RBMS3: variants seen among roughly 807,000 people sequenced by gnomAD.
The protein encoded by RBMS3 is RNA binding motif single stranded interacting protein 3.
RBMS3 carries 27 observed loss-of-function variants against 66.8 expected under a neutral mutation model. The ratio of observed to expected loss-of-function variants is 0.40; its 90% confidence interval spans 0.30 to 0.56. The LOEUF (loss-of-function observed/expected upper bound fraction) is 0.56. Ranked by LOEUF, RBMS3 falls within the 20% of genes least tolerant of loss-of-function variation. RBMS3 has a pLI of 0.40. For synonymous variants in RBMS3, 188 were observed against 183.0 expected (o/e 1.03, Z -0.22); for missense variants, 513 against 549.5 (o/e 0.93, Z 0.66).
chr3:29,991,868 T>TAAGA (rs1427712150), intron 14 of RBMS3, among the ~76,000 whole-genome samples: 3 of 152,164 alleles, frequency 2.0e-5, no homozygotes, highest in Non-Finnish European at 4.4e-5. Flanking sequence ...AAGGGTATTG[T>TAAGA]AAGATATGAA....
Position 29,737,330 on chromosome 3 carries a change from G to A in RBMS3, c.400-2390G>A, listed in dbSNP as rs147252468. 1.4e-3 allele frequency among the ~76,000 whole-genome samples: 210 copies of A among 152,206 alleles called. 1 individual carries two copies. Among genetic ancestry groups the A allele is most frequent in the African/African-American group, 4.8e-3 (199 of 41,540 alleles). ...TAAGCCCCAGAGGTATGTTTATTTAGAAAAATTTTAAAATAAGTAACAACC... is the reference window on the plus strand; with the variant it reads ...TAAGCCCCAGAGGTATGTTTATTTAAAAAAATTTTAAAATAAGTAACAACC... On this transcript the variant is annotated intron_variant, in intron 4 of 14. Transcript: ENST00000383767.
chr3:29,916,517 C>T lies in RBMS3; in HGVS notation c.939+16762C>T, dbSNP rs139831676. ...ACTTATTGACTGTTCAGGGGAAGGA[C>T]ATATTTGTCCTAAAGCAGGCTGTTA... On this transcript the variant is annotated intron_variant, in intron 10 of 14. Transcript: ENST00000383767. 3.4e-3 allele frequency among the ~76,000 whole-genome samples: 520 copies of T among 151,914 alleles called. 1 individual carries two copies. Among genetic ancestry groups the T allele is most frequent in the African/African-American group, 0.012 (505 of 41,498 alleles).
intron 1 of RBMS3, among the ~76,000 whole-genome samples, chr3:29,358,212 T>C (rs1559513649): frequency 1.3e-5 from 2 of 152,184 alleles, no homozygotes; most frequent in Non-Finnish European, 2.9e-5. Flanking sequence ...CATCTTGAAT[T>C]AATTTTTGTA....
At chr3:29,771,319 T>A (rs1260730346) in intron 6 of RBMS3, among the ~76,000 whole-genome samples, 1 of 152,060 alleles carries the variant, frequency 6.6e-6, no homozygotes, top group African/African-American at 2.4e-5. Context: ...TGTTTATCTC[T>A]CCCATCTTCC....
intron 1 of RBMS3, among the ~76,000 whole-genome samples, chr3:29,304,702 T>G (rs2033897630): frequency 6.6e-6 from 1 of 151,974 alleles, no homozygotes; most frequent in Non-Finnish European, 1.5e-5. Flanking sequence ...TGTAGTTCTC[T>G]CCTAGTCCTT....
intron 3 of RBMS3, among the ~76,000 whole-genome samples, chr3:29,530,410 G>A (rs2045306602): frequency 6.6e-6 from 1 of 152,090 alleles, no homozygotes; most frequent in Admixed American, 6.5e-5. Context: ...AAAACTTGAT[G>A]TGGACTAAAA....
intron 12 of RBMS3, among the ~76,000 whole-genome samples, chr3:29,960,030 C>G (rs2197895): frequency 0.026 from 3,932 of 152,202 alleles, 124 homozygotes; most frequent in East Asian, 0.17. Context: ...TCCAACAGTC[C>G]TCCAAAGTCT....
chr3:29,730,523 T>C (rs2054085524), intron 4 of RBMS3, among the ~76,000 whole-genome samples: 1 of 152,210 alleles, frequency 6.6e-6, no homozygotes, highest in African/African-American at 2.4e-5. Context: ...ATGGTGATTA[T>C]TTCAGAAGTA....
intron 4 of RBMS3, among the ~76,000 whole-genome samples, chr3:29,627,922 T>C (rs76566329): frequency 0.072 from 11,005 of 152,144 alleles, 750 homozygotes; most frequent in East Asian, 0.35. Flanking sequence ...TAACTTGATT[T>C]CTAAGGAGCC....
chr3:29,768,578 C>T (rs1322672765), intron 6 of RBMS3, among the ~76,000 whole-genome samples: 1 of 151,920 alleles, frequency 6.6e-6, no homozygotes, highest in East Asian at 1.9e-4. Flanking sequence ...CCTTATGTAT[C>T]CACCTAGTTT....
At chr3:29,533,654 G>A (rs993869740) in intron 3 of RBMS3, among the ~76,000 whole-genome samples, 1 of 152,042 alleles carries the variant, frequency 6.6e-6, no homozygotes, top group Non-Finnish European at 1.5e-5. Context: ...GCACATGCCT[G>A]TAGTCCCAGG....
chr3:29,987,618 G>T (rs553719703), intron 12 of RBMS3, among the ~76,000 whole-genome samples: 1 of 152,192 alleles, frequency 6.6e-6, no homozygotes, highest in Admixed American at 6.5e-5. Context: ...AAAAAGTGAT[G>T]CAAAAATGAA....
intron 4 of RBMS3, among the ~76,000 whole-genome samples, chr3:29,631,840 C>G (rs1332640639): frequency 2.0e-5 from 3 of 151,836 alleles, no homozygotes; most frequent in Admixed American, 1.3e-4. Context: ...GCATGGTTAA[C>G]TTTTCAAAAC....
intron 1 of RBMS3, among the ~76,000 whole-genome samples, chr3:29,346,409 T>A (rs1010390408): frequency 1.6e-4 from 23 of 141,620 alleles, no homozygotes; most frequent in Non-Finnish European, 2.9e-4. Flanking sequence ...TTTTTTTTTT[T>A]TTTTTTTTTT....
intron 12 of RBMS3, among the ~76,000 whole-genome samples, chr3:29,967,853 C>T (rs1374660949): frequency 6.6e-6 from 1 of 152,098 alleles, no homozygotes; most frequent in African/African-American, 2.4e-5. Context: ...GATTTTCTCT[C>T]TTCTTTTCTT....
At chr3:29,964,509 T>G (rs1696697872) in intron 12 of RBMS3, among the ~76,000 whole-genome samples, 1 of 152,168 alleles carries the variant, frequency 6.6e-6, no homozygotes, top group South Asian at 2.1e-4. Flanking sequence ...TTTTATATTC[T>G]CTTCTCCCGG....
chr3:29,860,572 A>C (rs150985035), intron 6 of RBMS3, among the ~76,000 whole-genome samples: 3 of 152,280 alleles, frequency 2.0e-5, no homozygotes, highest in African/African-American at 7.2e-5. Flanking sequence ...ATGCCTATCT[A>C]TGTCTCTATT....
chr3:29,883,318 A>G (rs144570988), intron 7 of RBMS3, among the ~76,000 whole-genome samples: 90 of 152,106 alleles, frequency 5.9e-4, no homozygotes, highest in African/African-American at 2.0e-3. Flanking sequence ...TCTGCCTCCA[A>G]ATGTGTGACC....
At chr3:29,921,516 G>T (rs13324313) in intron 10 of RBMS3, among the ~76,000 whole-genome samples, 2 of 139,158 alleles carry the variant, frequency 1.4e-5, no homozygotes, top group African/African-American at 5.3e-5. Flanking sequence ...GGGGCTGGGG[G>T]TGCAGCAAAA....
Sources: allele counts gnomAD v4.1 joint callset (sites outside exome capture counted in the v4.1 genomes callset), GRCh38; gene constraint gnomAD v4.1.1; transcripts MANE v1.5; gene names NCBI Gene and HGNC (gene_info 2026-07-23, HGNC 2026-07-21).